The following PIK3C2G variants were observed in gnomAD, a reference collection of about 807,000 sequenced individuals.
PIK3C2G encodes the protein phosphatidylinositol-4-phosphate 3-kinase catalytic subunit type 2 gamma.
Under a neutral mutation model 181.1 loss-of-function variants are expected in PIK3C2G, and 168 were observed. The observed-to-expected ratio is 0.93, with a 90% CI of 0.82 to 1.05. The LOEUF is 1.05. PIK3C2G is among the 50% of genes least tolerant of loss of function. The probability of loss-of-function intolerance (pLI) is 0.00; values close to 1 mark genes in which losing one functional copy is unlikely to be tolerated. For synonymous variants in PIK3C2G, 573 were observed against 592.2 expected, an observed-to-expected ratio of 0.97 and a Z score of 0.47; for missense variants, 1,869 against 1,732.8, an observed-to-expected ratio of 1.08 and a Z score of -1.40.
chr12:18,650,230 C>A (rs73056310), downstream of PIK3C2G, among the ~76,000 whole-genome samples: 7,655 of 151,478 alleles, frequency 0.051, 226 homozygotes, highest in African/African-American at 0.089. Flanking sequence ...CCTTTCCCCT[C>A]CTAGTTGATG....
intron 24 of PIK3C2G, among the ~76,000 whole-genome samples, chr12:18,533,941 CTTTTTT>C (rs542327503): frequency 5.5e-5 from 5 of 91,498 alleles, no homozygotes; most frequent in African/African-American, 2.2e-4. Flanking sequence ...CCTGCTATTT[CTTTTTT>C]TTTTTTTTTT....
intron 5 of PIK3C2G, among the ~76,000 whole-genome samples, chr12:18,302,042 G>A (rs920258415): frequency 1.3e-5 from 2 of 152,166 alleles, no homozygotes; most frequent in African/African-American, 4.8e-5. Flanking sequence ...CAGTGGTGAG[G>A]CTTTGCTAGG....
intron 30 of PIK3C2G, among the ~76,000 whole-genome samples, chr12:18,601,025 C>T (rs1487240778): frequency 6.6e-6 from 1 of 151,916 alleles, no homozygotes; most frequent in Non-Finnish European, 1.5e-5. Context: ...AAATCACAGA[C>T]CAATCTCACT....
At chr12:18,680,467 C>T in the PIK3C2G span, among the ~76,000 whole-genome samples, 1 of 152,030 alleles carries the variant, frequency 6.6e-6, no homozygotes, top group Non-Finnish European at 1.5e-5. Context: ...TACTCTTTAG[C>T]AACCAGCCTG....
chr12:18,547,157 C>T (rs983870966), intron 26 of PIK3C2G, among the ~76,000 whole-genome samples: 1 of 151,866 alleles, frequency 6.6e-6, no homozygotes, highest in African/African-American at 2.4e-5. Context: ...TAATATTTTC[C>T]ACTGAAAATT....
chr12:18,582,289 A>C (rs1489730631), intron 29 of PIK3C2G, among the ~76,000 whole-genome samples: 1 of 152,146 alleles, frequency 6.6e-6, no homozygotes, highest in African/African-American at 2.4e-5. Flanking sequence ...GAAGTAACAC[A>C]GAAACAGGGG....
chr12:18,515,465 C>T (rs916256252), intron 24 of PIK3C2G, among the ~76,000 whole-genome samples: 1 of 151,842 alleles, frequency 6.6e-6, no homozygotes, highest in East Asian at 1.9e-4. Flanking sequence ...TATATGTATC[C>T]AGTAATTTAC....
intron 32 of PIK3C2G, among the ~76,000 whole-genome samples, chr12:18,641,178 A>C (rs1011704753): frequency 6.6e-6 from 1 of 152,142 alleles, no homozygotes; most frequent in Non-Finnish European, 1.5e-5. Flanking sequence ...ATTAAAAAAC[A>C]AAAACAAAAA....
At position 18,314,026 on chromosome 12, in the gene PIK3C2G, C is replaced by A. The variant is rs1950753376; in HGVS notation, c.1099C>A (p.Gln367Lys). 2 of 1,587,086 alleles carry A rather than the reference C, an allele frequency of 1.3e-6. No homozygotes were observed. The highest frequency in any genetic ancestry group is 1.7e-6 in the Non-Finnish European group (2 of 1,164,880). The change falls in exon 6 of 33, where the codon CAG becomes AAG. Residue 367 changes from glutamine to lysine, a missense_variant. By Grantham distance (53) the Gln-to-Lys change is moderately conservative. Coordinates refer to ENST00000538779, the MANE Select transcript of PIK3C2G (RefSeq NM_001288772.2). ...KDKSVIQLHL[Q>K]KSREAPGKLS... ...TAAATCTGTTATTCAGCTCCACCTG[C>A]AGAAAAGTAGGGAAGCTCCAGGAAA...
intron 31 of PIK3C2G, among the ~76,000 whole-genome samples, chr12:18,615,391 C>T (rs1331346527): frequency 7.0e-6 from 1 of 142,828 alleles, no homozygotes; most frequent in African/African-American, 2.7e-5. Flanking sequence ...ATATATATCA[C>T]GGTAGTATTA....
chr12:18,278,196 A>G (rs567241917), intron 1 of PIK3C2G, among the ~76,000 whole-genome samples: 1 of 152,292 alleles, frequency 6.6e-6, no homozygotes, highest in African/African-American at 2.4e-5. Flanking sequence ...GAAGTCCAAC[A>G]TGGGTCCCAC....
chr12:18,588,548 C>T (rs1314963959), intron 29 of PIK3C2G, among the ~76,000 whole-genome samples: 2 of 152,072 alleles, frequency 1.3e-5, no homozygotes, highest in Non-Finnish European at 2.9e-5. Context: ...GAGGTACCAT[C>T]TTACACCAGT....
At chr12:18,427,160 T>A (rs1371916154) in intron 18 of PIK3C2G, among the ~76,000 whole-genome samples, 7 of 152,128 alleles carry the variant, frequency 4.6e-5, no homozygotes, top group African/African-American at 1.7e-4. Context: ...ACAATTTTTA[T>A]TTTAATATTT....
At chr12:18,456,817 T>C (rs1279749323) in intron 18 of PIK3C2G, among the ~76,000 whole-genome samples, 2 of 152,176 alleles carry the variant, frequency 1.3e-5, no homozygotes, top group African/African-American at 4.8e-5. Context: ...GGGCTGCTTT[T>C]TGTTAAAAGA....
intron 1 of PIK3C2G, among the ~76,000 whole-genome samples, chr12:18,255,214 C>A (rs377071424): frequency 1.7e-5 from 1 of 57,960 alleles, no homozygotes. Context: ...AACTCCGTCT[C>A]AAAAATAAAT....
Position 18,488,297 on chromosome 12 carries a change from A to G in PIK3C2G, c.2505-152A>G, listed in dbSNP as rs1003517862. Among the ~76,000 whole-genome samples the G allele has an allele frequency of 1.2e-4, 19 of 152,120 alleles. 1 individual carries two copies. The highest frequency in any genetic ancestry group is 4.4e-5 in the Non-Finnish European group (3 of 67,990). Reference sequence around the variant, plus strand: ...ATCAGATGGAACTTGATGACTGTCAATGAATAAACAACATTTTCCCCATTC... The same window carrying G: ...ATCAGATGGAACTTGATGACTGTCAGTGAATAAACAACATTTTCCCCATTC... On this transcript the variant is annotated intron_variant, in intron 18 of 32. Transcript: ENST00000538779.
chr12:18,319,586 C>T (rs1175374841), intron 6 of PIK3C2G, among the ~76,000 whole-genome samples: 8 of 151,544 alleles, frequency 5.3e-5, no homozygotes, highest in Admixed American at 1.3e-4. Context: ...TGACTAATAC[C>T]GAAAATATTT....
At chr12:18,442,080 A>G (rs1946773627) in intron 18 of PIK3C2G, among the ~76,000 whole-genome samples, 1 of 152,206 alleles carries the variant, frequency 6.6e-6, no homozygotes, top group Admixed American at 6.6e-5. Flanking sequence ...CAATATTAGC[A>G]GCATTTATGA....
At chr12:18,684,751 T>C in the PIK3C2G span, among the ~76,000 whole-genome samples, 9 of 152,124 alleles carry the variant, frequency 5.9e-5, no homozygotes, top group African/African-American at 2.2e-4. Flanking sequence ...ACTAAGTCCT[T>C]GATATGGTTA....
Sources: allele counts gnomAD v4.1 joint callset (sites outside exome capture counted in the v4.1 genomes callset), GRCh38; gene constraint gnomAD v4.1.1; transcripts MANE v1.5; gene names NCBI Gene and HGNC (gene_info 2026-07-23, HGNC 2026-07-21).